Variants in BTF3 observed in about 807,000 individuals in gnomAD.
BTF3 encodes basic transcription factor 3, also known as transcription factor BTF3.
In BTF3, 12 loss-of-function variants were observed where a neutral mutation model predicts 23.9. The observed-to-expected ratio is 0.50, with a 90% CI of 0.32 to 0.81. BTF3 has a LOEUF of 0.81. Among genes scored for constraint, BTF3 ranks in the 40% least tolerant of loss-of-function variants. The pLI is 0.03. For missense variants in BTF3, 215 were observed against 255.9 expected, an observed-to-expected ratio of 0.84 and a Z score of 1.09; for synonymous variants, 96 against 94.8, an observed-to-expected ratio of 1.01 and a Z score of -0.07.
At position 73,498,745 on chromosome 5, in the gene BTF3, G is replaced by A; in HGVS notation, c.78G>A (p.Glu26=). Reference sequence around the variant, plus strand: ...CCAGGGGCGGCTGCCCTGGGGGCGAGGCGACGCTGTCTCAACCTCCACCTC... The same window carrying A: ...CCAGGGGCGGCTGCCCTGGGGGCGAAGCGACGCTGTCTCAACCTCCACCTC... ...GRARGGCPGG[E]ATLSQPPPRG... is the part of the protein sequence containing the mutation. The change falls in exon 1 of 6, where the codon GAG becomes GAA. Residue 26 remains glutamate (E), a synonymous_variant. Transcript: ENST00000380591. 1 of 1,494,026 alleles carries A rather than the reference G, an allele frequency of 6.7e-7. No individual in the cohort carries two copies. The highest frequency in any genetic ancestry group is 8.8e-7 in the Non-Finnish European group (1 of 1,132,048). 92.5% of individuals were successfully genotyped at this position (1,494,026 alleles called of 1,614,324 possible).
At chr5:73,498,852 G>C (rs546479065) in intron 1 of BTF3, 53 bp downstream of exon 1, 9 of 1,494,862 alleles carry the variant, frequency 6.0e-6, no homozygotes, top group Non-Finnish European at 7.9e-6. Context: ...TGGCTAGGCC[G>C]AGGCCAGGCC....
Position 73,499,141 on chromosome 5 carries a change from A to C in BTF3, c.140A>C (p.Glu47Ala). ...GATTTCCTCTTTTTCTAGATGAAAGAAACAATCATGAACCAGGAAAAACTC... is the reference window on the plus strand; with the variant it reads ...GATTTCCTCTTTTTCTAGATGAAAGCAACAATCATGAACCAGGAAAAACTC... ...GTRGQEPQMK[E>A]TIMNQEKLAK... Residue 47 changes from glutamate to alanine, a missense_variant, in exon 2 of 6, where the codon GAA becomes GCA. By Grantham distance (107) the Glu-to-Ala change is moderately radical. Coordinates refer to ENST00000380591, the MANE Select transcript of BTF3 (RefSeq NM_001037637.2). The C allele has an allele frequency of 1.9e-6, 3 of 1,609,044 alleles. No homozygotes were observed. Among genetic ancestry groups the C allele is most frequent in the Non-Finnish European group, 2.5e-6 (3 of 1,178,972 alleles).
At chr5:73,502,820 A>T in intron 3 of BTF3, 96 bp from the exon 4 acceptor site, 1 of 1,273,828 alleles carries the variant, frequency 7.9e-7, no homozygotes, top group South Asian at 1.3e-5. Context: ...TGTGCTTCAC[A>T]GTGAAATACT....
Position 73,505,226 on chromosome 5 carries a change from T to C in BTF3, c.609T>C (p.Asn203=). The C allele has an allele frequency of 1.9e-6, 3 of 1,609,590 alleles. No homozygotes were observed. The highest frequency in any genetic ancestry group is 1.3e-5 in the African/African-American group (1 of 74,934). The part of the protein sequence containing the change: ...LVENFDEASK[N]EAN ...AGAATTTTGATGAGGCTTCCAAGAA[T>C]GAGGCAAACTGAATTGAGTCAACTT... The change falls in exon 6 of 6, where the codon AAT becomes AAC. Residue 203 remains asparagine, a synonymous_variant. Transcript: ENST00000380591.
At chr5:73,503,213 T>G (rs1746480805) in intron 4 of BTF3, 96 bp downstream of exon 4, 5 of 1,287,104 alleles carry the variant, frequency 3.9e-6, no homozygotes, top group Middle Eastern at 2.7e-4. Flanking sequence ...TTTTTAAGTT[T>G]GGAAATGCAA....
chr5:73,505,226 T>A lies in BTF3; in HGVS notation c.609T>A (p.Asn203Lys). Residue 203 changes from asparagine (N) to lysine (K), a missense_variant, in exon 6 of 6, where the codon AAT (asparagine) becomes AAA (lysine). Around this residue, in one of 2 missense-constraint regions of BTF3, gnomAD observed 99 missense variants for 171.2 expected, o/e 0.58. Coordinates refer to ENST00000380591, the MANE Select transcript of BTF3 (RefSeq NM_001037637.2). ...AGAATTTTGATGAGGCTTCCAAGAATGAGGCAAACTGAATTGAGTCAACTT... is the reference window on the plus strand; with the variant it reads ...AGAATTTTGATGAGGCTTCCAAGAAAGAGGCAAACTGAATTGAGTCAACTT... ...LVENFDEASK[N>K]EAN 6.2e-7 allele frequency: 1 copy of A among 1,609,590 alleles called. No homozygotes were observed. The highest frequency in any genetic ancestry group is 8.5e-7 in the Non-Finnish European group (1 of 1,179,282).
chr5:73,502,669 A>C, intron 3 of BTF3, 68 bp downstream of exon 3: 1 of 1,082,578 alleles, frequency 9.2e-7, no homozygotes, highest in Non-Finnish European at 1.2e-6. Flanking sequence ...TAATGCATTA[A>C]ATGGGTTGTT....
chr5:73,498,695 G>A lies in BTF3; in HGVS notation c.28G>A (p.Ala10Thr). MRRTGAPAQ[A>T]DSRGRGRARG... ...GCGACGGACAGGCGCACCCGCTCAG[G>A]CTGACTCTCGGGGGCGAGGTCGAGC... The change falls in exon 1 of 6, where the codon GCT (alanine) becomes ACT (threonine). Residue 10 changes from alanine (A) to threonine (T), a missense_variant. Physicochemically the swap from Ala to Thr is moderately conservative, Grantham distance 58. This residue lies in a region of BTF3 where 116 missense variants were observed against 84.7 expected (regional missense o/e 1.37). Coordinates refer to ENST00000380591, the MANE Select transcript of BTF3 (RefSeq NM_001037637.2). The A allele has an allele frequency of 6.7e-7, 1 of 1,500,034 alleles. No homozygotes were observed. Among genetic ancestry groups the A allele is most frequent in the Non-Finnish European group, 8.8e-7 (1 of 1,132,826 alleles). The allele number at this position is 1,500,034 out of a possible 1,614,324, so 92.9% of individuals were successfully genotyped here. A position where few individuals can be genotyped will look rare whatever the true frequency, so the allele number is the denominator to read the frequency against.
At chr5:73,498,949 T>C (rs1336802547) in intron 1 of BTF3, 150 bp downstream of exon 1, 2 of 1,310,982 alleles carry the variant, frequency 1.5e-6, no homozygotes, top group Admixed American at 5.7e-5. Flanking sequence ...GGGGGAGTGG[T>C]GGGGAGGCGG....
Position 73,498,633 on chromosome 5 carries a change from C to T in BTF3, c.-35C>T. ...CGGGAAGTTCCCTGAAGGAGCGAGA[C>T]AGGGAGGGACAGGGCAGAGGAGGAG... On this transcript the variant is annotated 5_prime_UTR_variant, in exon 1 of 6. Transcript: ENST00000380591. 1.4e-6 allele frequency: 2 copies of T among 1,450,826 alleles called. No individual in the cohort carries two copies. Among genetic ancestry groups the T allele is most frequent in the Non-Finnish European group, 1.8e-6 (2 of 1,110,168 alleles). 89.9% of individuals were successfully genotyped at this position (1,450,826 alleles called of 1,614,324 possible). A position where few individuals can be genotyped will look rare whatever the true frequency, so the allele number is the denominator to read the frequency against.
chr5:73,499,269 C>A, intron 2 of BTF3, 67 bp downstream of exon 2: 2 of 1,514,442 alleles, frequency 1.3e-6, no homozygotes, highest in South Asian at 2.3e-5. Flanking sequence ...AAAACATATT[C>A]CTTTTGCGCT....
chr5:73,500,563 T>C (rs1215574339), intron 2 of BTF3, among the ~76,000 whole-genome samples: 1 of 152,206 alleles, frequency 6.6e-6, no homozygotes, highest in African/African-American at 2.4e-5. Context: ...CAAGAAGTAT[T>C]TCTGTAGTCA....
chr5:73,499,107 C>G, intron 1 of BTF3, 27 bp from the exon 2 acceptor site: 2 of 1,600,342 alleles, frequency 1.2e-6, no homozygotes, highest in South Asian at 1.1e-5. Flanking sequence ...TAAACCTATC[C>G]TTGCTGAGGA....
At position 73,498,667 on chromosome 5, in the gene BTF3, G is replaced by C. The variant is rs753509680; in HGVS notation, c.-1G>C. The C allele has an allele frequency of 6.7e-7, 1 of 1,502,282 alleles. No individual in the cohort carries two copies. The highest frequency in any genetic ancestry group is 1.5e-5 in the African/African-American group (1 of 68,632). 93.1% of individuals were successfully genotyped at this position (1,502,282 alleles called of 1,614,324 possible). On this transcript the variant is annotated 5_prime_UTR_variant, in exon 1 of 6. Transcript: ENST00000380591. ...ACAGGGCAGAGGAGGAGAGGAAGGC[G>C]ATGCGACGGACAGGCGCACCCGCTC...
intron 5 of BTF3, 130 bp from the exon 6 acceptor site, chr5:73,505,062 T>C: frequency 1.4e-6 from 1 of 707,580 alleles, no homozygotes; most frequent in South Asian, 1.9e-5. Context: ...TGCATTCTTG[T>C]TCTTGGGGCT....
chr5:73,501,120 A>G (rs766687595), intron 2 of BTF3, among the ~76,000 whole-genome samples: 4 of 152,216 alleles, frequency 2.6e-5, no homozygotes, highest in Non-Finnish European at 4.4e-5. Context: ...TAATATACAT[A>G]GTACAATAGT....
chr5:73,499,727 T>G (rs1746388524), intron 2 of BTF3: 1 of 180,124 alleles, frequency 5.6e-6, no homozygotes, highest in Non-Finnish European at 1.2e-5. Context: ...ATCTTTCCTG[T>G]TCTGACTTTG....
chr5:73,502,452 A>C, intron 2 of BTF3, 36 bp from the exon 3 acceptor site: 1 of 1,425,586 alleles, frequency 7.0e-7, no homozygotes, highest in South Asian at 1.2e-5. Flanking sequence ...TGTGGTATAA[A>C]TGTGCTGTTT....
intron 2 of BTF3, among the ~76,000 whole-genome samples, chr5:73,500,584 A>G (rs1746411873): frequency 6.6e-6 from 1 of 152,232 alleles, no homozygotes; most frequent in African/African-American, 2.4e-5. Flanking sequence ...CAATATGGAA[A>G]CATTTCTACA....
Sources: gnomAD v4.1 joint callset for allele counts (sites outside exome capture counted in the v4.1 genomes callset) on GRCh38, gnomAD v4.1.1 for gene constraint, gnomAD v4.1.1 regional missense constraint, MANE v1.5 for transcripts, NCBI Gene and HGNC (gene_info 2026-07-23, HGNC 2026-07-21) for gene names.